The following VAT1L variants were observed in gnomAD, a reference collection of about 807,000 sequenced individuals.
The protein encoded by VAT1L is putative NADPH-dependent quinone oxidoreductase VAT1L.
Under a neutral mutation model 44.1 loss-of-function variants are expected in VAT1L, and 34 were observed. The ratio of observed to expected loss-of-function variants is 0.77; its 90% CI spans 0.59 to 1.03. The LOEUF (loss-of-function observed/expected upper bound fraction) is 1.03. Ranked by LOEUF, VAT1L falls within the 50% of genes least tolerant of loss-of-function variation. VAT1L has a pLI of 0.00. For synonymous variants in VAT1L, 253 were observed against 202.2 expected (o/e 1.25, Z -2.13); for missense variants, 615 against 538.8 (o/e 1.14, Z -1.40).
intron 5 of VAT1L, among the ~76,000 whole-genome samples, chr16:77,878,803 AT>A (rs753358270): frequency 6.6e-6 from 1 of 152,340 alleles, no homozygotes; most frequent in Non-Finnish European, 1.5e-5. Context: ...CAAATTCAGA[AT>A]CACAAAGTAG....
intron 3 of VAT1L, among the ~76,000 whole-genome samples, chr16:77,842,533 T>A (rs2084650189): frequency 6.6e-6 from 1 of 152,200 alleles, no homozygotes; most frequent in African/African-American, 2.4e-5. Flanking sequence ...AGCAGAGTTC[T>A]TAAATAGGAG....
chr16:77,853,767 A>G (rs1198375493), intron 3 of VAT1L, among the ~76,000 whole-genome samples: 2 of 152,146 alleles, frequency 1.3e-5, no homozygotes, highest in African/African-American at 4.8e-5. Context: ...GCACGGATCC[A>G]TACAATGAAT....
intron 7 of VAT1L, among the ~76,000 whole-genome samples, chr16:77,915,303 C>T (rs1165711577): frequency 6.6e-6 from 1 of 152,170 alleles, no homozygotes; most frequent in Non-Finnish European, 1.5e-5. Flanking sequence ...ACTACACATC[C>T]TCTATGTCAG....
At chr16:77,895,488 G>T (rs1455500816) in intron 7 of VAT1L, among the ~76,000 whole-genome samples, 1 of 152,162 alleles carries the variant, frequency 6.6e-6, no homozygotes, top group Non-Finnish European at 1.5e-5. Flanking sequence ...AGAGAGGCAG[G>T]AGGGTTGGAG....
chr16:77,912,188 C>A (rs2017505995), intron 7 of VAT1L, among the ~76,000 whole-genome samples: 1 of 152,196 alleles, frequency 6.6e-6, no homozygotes, highest in African/African-American at 2.4e-5. Flanking sequence ...CACTTCCCAG[C>A]ATAAGTGAGT....
At chr16:77,959,209 C>T (rs1430075738) in intron 7 of VAT1L, among the ~76,000 whole-genome samples, 2 of 152,146 alleles carry the variant, frequency 1.3e-5, no homozygotes, top group Non-Finnish European at 2.9e-5. Context: ...GTGTTTGAAT[C>T]CTTTCTCTAC....
At position 77,810,115 on chromosome 16, in the gene VAT1L, T is replaced by G. The variant is rs565763396; in HGVS notation, c.234-6806T>G. On this transcript the variant is annotated intron_variant, in intron 1 of 8. Coordinates refer to ENST00000302536, the MANE Select transcript of VAT1L (RefSeq NM_020927.3). The stretch of plus-strand genomic sequence containing the variant: ...AATCCTCTGGACTAAGATCAAAAAT[T>G]CAACTGCCCTAGAGGACAATGAGAA... 1.1e-3 allele frequency among the ~76,000 whole-genome samples: 164 copies of G among 152,300 alleles called. 2 individuals carry two copies. The highest frequency in any genetic ancestry group is 3.7e-3 in the African/African-American group (155 of 41,572).
chr16:77,883,615 C>A (rs2017178157), intron 6 of VAT1L, among the ~76,000 whole-genome samples: 1 of 152,290 alleles, frequency 6.6e-6, no homozygotes, highest in South Asian at 2.1e-4. Flanking sequence ...AGCACCACCT[C>A]CCGCTTCAGT....
At chr16:77,944,810 G>A (rs969164066) in intron 7 of VAT1L, among the ~76,000 whole-genome samples, 1 of 152,078 alleles carries the variant, frequency 6.6e-6, no homozygotes, top group Non-Finnish European at 1.5e-5. Flanking sequence ...ACATGTACCT[G>A]TCTCTTCTCT....
At chr16:77,831,882 C>T (rs2016582489) in intron 3 of VAT1L, among the ~76,000 whole-genome samples, 1 of 151,768 alleles carries the variant, frequency 6.6e-6, no homozygotes, top group Non-Finnish European at 1.5e-5. Flanking sequence ...GTGGCTTGAT[C>T]TCGGCTCACT....
chr16:77,903,734 C>CT (rs552342074), intron 7 of VAT1L, among the ~76,000 whole-genome samples: 22,596 of 124,304 alleles, frequency 0.18, 2,443 homozygotes, highest in Non-Finnish European at 0.21. Context: ...TCTCTCATTA[C>CT]TTTTTTTTTT....
At chr16:77,791,339 G>A (rs1346484500) in intron 1 of VAT1L, among the ~76,000 whole-genome samples, 1 of 152,144 alleles carries the variant, frequency 6.6e-6, no homozygotes, top group African/African-American at 2.4e-5. Context: ...ATAAAGCATA[G>A]TCCATTTGAA....
At chr16:77,966,456 C>T (rs186430736) in intron 7 of VAT1L, among the ~76,000 whole-genome samples, 3 of 152,172 alleles carry the variant, frequency 2.0e-5, no homozygotes, top group Non-Finnish European at 4.4e-5. Flanking sequence ...CCAGGACGTA[C>T]AGAGACACAG....
Position 77,788,569 on chromosome 16 carries a change from A to G in VAT1L, c.-114A>G. ...CGCTCGCAGAGGCTGCAGCCATTGC[A>G]CAGCCGAGCATCCCACATTCAACAG... On this transcript the variant is annotated 5_prime_UTR_variant, in exon 1 of 9. Coordinates refer to ENST00000302536, the MANE Select transcript of VAT1L (RefSeq NM_020927.3). The G allele has an allele frequency of 8.1e-7, 1 of 1,239,760 alleles. No individual in the cohort carries two copies. The highest frequency in any genetic ancestry group is 1.1e-6 in the Non-Finnish European group (1 of 897,276). 76.8% of individuals were successfully genotyped at this position (1,239,760 alleles called of 1,614,324 possible).
intron 3 of VAT1L, among the ~76,000 whole-genome samples, chr16:77,833,916 C>G (rs1275440654): frequency 6.6e-6 from 1 of 152,170 alleles, no homozygotes; most frequent in Non-Finnish European, 1.5e-5. Context: ...TTTCTTACAT[C>G]ACCTAACTCT....
chr16:77,928,511 C>A (rs1053012068), intron 7 of VAT1L, among the ~76,000 whole-genome samples: 2 of 152,110 alleles, frequency 1.3e-5, no homozygotes, highest in African/African-American at 4.8e-5. Context: ...GCTGAATCTT[C>A]CATAACTGTC....
At chr16:77,925,978 C>T (rs370389882) in intron 7 of VAT1L, among the ~76,000 whole-genome samples, 23 of 151,996 alleles carry the variant, frequency 1.5e-4, no homozygotes, top group South Asian at 1.2e-3. Flanking sequence ...AAATAGGAGT[C>T]GGGGCCGGGT....
In VAT1L at chr16:77,845,724, G is replaced by A. The variant is rs550313568; in HGVS notation, c.580-17024G>A. On this transcript the variant is annotated intron_variant, in intron 3 of 8. Transcript: ENST00000302536. ...TGCACTGTCCAACCGTCCACCCTGA[G>A]AGCCAGACTAGCTCCCCTTTTTCCT... Among the ~76,000 whole-genome samples, 71 of 152,240 alleles carry A rather than the reference G, an allele frequency of 4.7e-4. No individual in the cohort carries two copies. The South Asian group carries it at 0.014, about 31-fold the overall frequency.
chr16:77,838,132 A>G (rs148164998), intron 3 of VAT1L, among the ~76,000 whole-genome samples: 1 of 152,264 alleles, frequency 6.6e-6, no homozygotes, highest in Non-Finnish European at 1.5e-5. Flanking sequence ...GACTTTAGGG[A>G]AAATTTAGCT....
Sources: gnomAD v4.1 joint callset for allele counts (sites outside exome capture counted in the v4.1 genomes callset) on GRCh38, gnomAD v4.1.1 for gene constraint, MANE v1.5 for transcripts, NCBI Gene and HGNC (gene_info 2026-07-23, HGNC 2026-07-21) for gene names.